The following KIAA1328 variants were observed in gnomAD, a reference collection of about 807,000 sequenced individuals.
KIAA1328 encodes protein hinderin.
Under a neutral mutation model 68.1 loss-of-function variants are expected in KIAA1328, and 52 were observed. The ratio of observed to expected loss-of-function variants is 0.76; its 90% CI spans 0.61 to 0.96. The LOEUF is 0.96. Among genes scored for constraint, KIAA1328 ranks in the 40% least tolerant of loss-of-function variants. The pLI, the probability that KIAA1328 is intolerant of heterozygous loss-of-function variation, is 0.00. For synonymous variants in KIAA1328, 232 were observed against 239.4 expected, an observed-to-expected ratio of 0.97 and a Z score of 0.28; for missense variants, 641 against 677.6, an observed-to-expected ratio of 0.95 and a Z score of 0.60.
chr18:36,857,747 A>G (rs1239102820), intron 4 of KIAA1328, among the ~76,000 whole-genome samples: 1 of 151,868 alleles, frequency 6.6e-6, no homozygotes, highest in African/African-American at 2.4e-5. Flanking sequence ...GGAGCCCCCT[A>G]CTCTGCTATG....
chr18:37,041,119 G>C (rs1172101998), intron 6 of KIAA1328, among the ~76,000 whole-genome samples: 1 of 151,884 alleles, frequency 6.6e-6, no homozygotes, highest in African/African-American at 2.4e-5. Context: ...TTTTTGTTTA[G>C]TTGTTCCAGC....
chr18:36,955,802 T>C (rs1181093945), intron 5 of KIAA1328: 3 of 152,014 alleles, frequency 2.0e-5, no homozygotes. Flanking sequence ...ATTTACCTTT[T>C]GTCTTTTCAC....
chr18:36,889,135 A>G (rs1220509298), intron 5 of KIAA1328, among the ~76,000 whole-genome samples: 2 of 152,222 alleles, frequency 1.3e-5, no homozygotes. Context: ...TAAAACATAA[A>G]AAGTCTTAGT....
intron 4 of KIAA1328, among the ~76,000 whole-genome samples, chr18:36,865,220 A>G (rs1231029616): frequency 6.6e-6 from 1 of 150,972 alleles, no homozygotes; most frequent in African/African-American, 2.4e-5. Flanking sequence ...ACCTATTTTA[A>G]TTCGTTCTGT....
chr18:37,133,861 G>A (rs2058582644), intron 7 of KIAA1328, among the ~76,000 whole-genome samples: 1 of 152,010 alleles, frequency 6.6e-6, no homozygotes, highest in Non-Finnish European at 1.5e-5. Flanking sequence ...ACATTCGCAT[G>A]ACAAGTTTTT....
chr18:36,959,271 A>C, intron 5 of KIAA1328, 37 bp from the exon 6 acceptor site: 1 of 1,529,954 alleles, frequency 6.5e-7, no homozygotes, highest in Non-Finnish European at 8.7e-7. Context: ...AGTTTGAATC[A>C]ATTTTTCAGT....
chr18:37,147,258 C>G (rs112804349), intron 7 of KIAA1328, among the ~76,000 whole-genome samples: 185 of 152,306 alleles, frequency 1.2e-3, no homozygotes, highest in African/African-American at 4.3e-3. Context: ...CAGTGGCCAG[C>G]AACATATTTA....
At chr18:37,162,250 G>A (rs1211424902) in intron 8 of KIAA1328, among the ~76,000 whole-genome samples, 4 of 147,770 alleles carry the variant, frequency 2.7e-5, no homozygotes, top group South Asian at 4.2e-4. Flanking sequence ...CCCTTTTTTT[G>A]TGGGGGTGGG....
intron 7 of KIAA1328, among the ~76,000 whole-genome samples, chr18:37,095,424 G>T (rs1268814424): frequency 1.3e-5 from 2 of 151,838 alleles, no homozygotes; most frequent in Admixed American, 1.3e-4. Context: ...AATAACAAGA[G>T]GAACTATAAA....
chr18:37,223,695 T>A lies in KIAA1328; in HGVS notation c.*1468T>A. 1 of 985,380 alleles carries A rather than the reference T, an allele frequency of 1.0e-6. No homozygotes were observed. Among genetic ancestry groups the A allele is most frequent in the African/African-American group, 1.7e-5 (1 of 57,350 alleles). 61.0% of individuals were successfully genotyped at this position (985,380 alleles called of 1,614,324 possible). ...GCGTGGCTTCCCTGAATTACTCTTT[T>A]AATTAAAACTAGATTATTTCAATCT... On this transcript the variant is annotated 3_prime_UTR_variant, in exon 10 of 10. Coordinates refer to ENST00000280020, the MANE Select transcript of KIAA1328 (RefSeq NM_020776.3).
intron 7 of KIAA1328, among the ~76,000 whole-genome samples, chr18:37,116,408 G>A (rs1232027046): frequency 6.6e-6 from 1 of 152,074 alleles, no homozygotes; most frequent in African/African-American, 2.4e-5. Flanking sequence ...CAAGAAATGG[G>A]GAAAGGATTC....
At chr18:37,080,839 C>T (rs1298500400) in intron 7 of KIAA1328, among the ~76,000 whole-genome samples, 1 of 151,716 alleles carries the variant, frequency 6.6e-6, no homozygotes. Flanking sequence ...TTGTTCATCC[C>T]AGTCGTAGTT....
chr18:37,086,372 A>G (rs1274811540), intron 7 of KIAA1328, among the ~76,000 whole-genome samples: 1 of 152,192 alleles, frequency 6.6e-6, no homozygotes, highest in Non-Finnish European at 1.5e-5. Flanking sequence ...ACCAATTACA[A>G]TTTACAAGAT....
In KIAA1328 at chr18:36,848,198, A is replaced by C. The variant is rs941832194; in HGVS notation, c.332+3896A>C. Reference sequence around the variant, plus strand: ...AACATTATCGAGTCTTTCAATTTACAAAAAGTTATCTATTAAGTATTTAAA... The same window carrying C: ...AACATTATCGAGTCTTTCAATTTACCAAAAGTTATCTATTAAGTATTTAAA... On this transcript the variant is annotated intron_variant, in intron 4 of 9. Transcript: ENST00000280020. 8.6e-5 allele frequency among the ~76,000 whole-genome samples: 13 copies of C among 151,818 alleles called. No individual in the cohort carries two copies. In the East Asian group the frequency reaches 2.1e-3, roughly 25 times the overall value.
chr18:37,089,490 T>C (rs924086139), intron 7 of KIAA1328, among the ~76,000 whole-genome samples: 3 of 151,768 alleles, frequency 2.0e-5, no homozygotes, highest in African/African-American at 4.9e-5. Context: ...TTCTCCTGTT[T>C]TGGCCTCCCG....
intron 8 of KIAA1328, among the ~76,000 whole-genome samples, chr18:37,169,162 T>TTATG (rs2059447314): frequency 6.0e-5 from 9 of 150,678 alleles, no homozygotes; most frequent in Middle Eastern, 3.4e-3. Flanking sequence ...ATTTATTTAT[T>TTATG]TATTTATATT....
chr18:36,933,388 C>T (rs908202835), intron 5 of KIAA1328, among the ~76,000 whole-genome samples: 12 of 152,126 alleles, frequency 7.9e-5, no homozygotes, highest in Non-Finnish European at 1.6e-4. Flanking sequence ...CTGTGCTGTG[C>T]TCAAGTTTCC....
intron 7 of KIAA1328, among the ~76,000 whole-genome samples, chr18:37,150,996 GA>G (rs1009898155): frequency 1.3e-5 from 2 of 152,110 alleles, no homozygotes; most frequent in Non-Finnish European, 2.9e-5. Flanking sequence ...AGAAGTAAGT[GA>G]AACTGTCTTT....
In KIAA1328 at chr18:37,114,100, C is replaced by T. The variant is rs1280517236; in HGVS notation, c.1233-46100C>T. Among the ~76,000 whole-genome samples the T allele has an allele frequency of 4.6e-5, 7 of 152,224 alleles. 1 individual carries two copies. Among genetic ancestry groups the T allele is most frequent in the East Asian group, 1.9e-4 (1 of 5,172 alleles). On this transcript the variant is annotated intron_variant, in intron 7 of 9. Transcript: ENST00000280020. ...CCACTGTCAACATTAGACAGATCAA[C>T]GAGACAGAAAGTTAACGAGGATATC...
Sources: gnomAD v4.1 joint callset for allele counts (sites outside exome capture counted in the v4.1 genomes callset) on GRCh38, gnomAD v4.1.1 for gene constraint, MANE v1.5 for transcripts, NCBI Gene and HGNC (gene_info 2026-07-23, HGNC 2026-07-21) for gene names.